The following CSMD1 variants were observed in gnomAD, a reference collection of about 807,000 sequenced individuals.
CSMD1 encodes the protein CUB and sushi domain-containing protein 1.
Under a neutral mutation model 417.5 loss-of-function variants are expected in CSMD1, and 213 were observed. The observed-to-expected ratio is 0.51, with a 90% CI of 0.46 to 0.57. The LOEUF (loss-of-function observed/expected upper bound fraction) is 0.57. Among genes scored for constraint, CSMD1 ranks in the 20% least tolerant of loss-of-function variants. The probability of loss-of-function intolerance (pLI) is 0.00; values close to 1 mark genes in which losing one functional copy is unlikely to be tolerated. For missense variants in CSMD1, 6,923 were observed against 4,529.7 expected, an observed-to-expected ratio of 1.53 and a Z score of -15.17; for synonymous variants, 2,862 against 1,736.8, an observed-to-expected ratio of 1.65 and a Z score of -16.11.
chr8:4,208,797 G>C (rs1368119886), intron 3 of CSMD1, among the ~76,000 whole-genome samples: 1 of 152,162 alleles, frequency 6.6e-6, no homozygotes, highest in Non-Finnish European at 1.5e-5. Flanking sequence ...AGAACATCTA[G>C]AAAACTGTCC....
At chr8:4,608,700 A>C (rs912770002) in intron 2 of CSMD1, among the ~76,000 whole-genome samples, 1 of 152,204 alleles carries the variant, frequency 6.6e-6, no homozygotes, top group Non-Finnish European at 1.5e-5. Flanking sequence ...TATGAAAATT[A>C]TCCTTCAGGC....
chr8:4,028,412 T>G (rs1012570381), intron 4 of CSMD1, among the ~76,000 whole-genome samples: 2 of 151,716 alleles, frequency 1.3e-5, no homozygotes, highest in African/African-American at 2.4e-5. Context: ...GCTTGTGGGG[T>G]GGTGGTAGTA....
At chr8:4,697,094 C>G (rs762277497) in intron 1 of CSMD1, among the ~76,000 whole-genome samples, 2 of 152,102 alleles carry the variant, frequency 1.3e-5, no homozygotes, top group Non-Finnish European at 2.9e-5. Flanking sequence ...ATTGCTTGAA[C>G]CCAGGAGGGG....
chr8:4,664,400 A>G (rs1032915036), intron 1 of CSMD1, among the ~76,000 whole-genome samples: 6 of 152,042 alleles, frequency 3.9e-5, no homozygotes, highest in African/African-American at 1.4e-4. Context: ...TGTCTACAGT[A>G]GAAACGAAAA....
rs574255743 is a variant in CSMD1 at position 4,321,111 on chromosome 8, G to C, written c.415+98842C>G. 8.5e-3 allele frequency among the ~76,000 whole-genome samples: 1,287 copies of C among 152,214 alleles called. 11 individuals carry two copies. Among genetic ancestry groups the C allele is most frequent in the South Asian group, 0.018 (85 of 4,822 alleles). On this transcript the variant is annotated intron_variant, in intron 3 of 69. Transcript: ENST00000635120. ...ATATTGAGTTTTTGTCTAGACTCTA[G>C]TCTAAATCAATCAAAGGCAGGAAGA...
intron 49 of CSMD1, among the ~76,000 whole-genome samples, chr8:3,056,873 A>C (rs1015990911): frequency 2.6e-5 from 4 of 152,052 alleles, no homozygotes; most frequent in African/African-American, 7.2e-5. Context: ...GTACACATAT[A>C]AATGCTAATC....
chr8:4,651,565 G>C (rs577492299), intron 1 of CSMD1, among the ~76,000 whole-genome samples: 2 of 152,272 alleles, frequency 1.3e-5, no homozygotes, highest in East Asian at 3.9e-4. Context: ...TTTTACTTAA[G>C]AACAAAACTA....
chr8:3,866,656 A>G (rs188516708), intron 5 of CSMD1, among the ~76,000 whole-genome samples: 1 of 129,270 alleles, frequency 7.7e-6, no homozygotes, highest in East Asian at 2.3e-4. Context: ...TCAGGAAATA[A>G]TAAGCTTATA....
intron 57 of CSMD1, among the ~76,000 whole-genome samples, chr8:2,967,536 T>A (rs1246971281): frequency 6.6e-6 from 1 of 152,140 alleles, no homozygotes; most frequent in Non-Finnish European, 1.5e-5. Context: ...CTACACTTTT[T>A]TTTTTCCCTT....
At chr8:4,272,482 C>G (rs1351882331) in intron 3 of CSMD1, among the ~76,000 whole-genome samples, 1 of 152,118 alleles carries the variant, frequency 6.6e-6, no homozygotes, top group African/African-American at 2.4e-5. Flanking sequence ...GCACAGATAA[C>G]TATACACGAT....
intron 1 of CSMD1, among the ~76,000 whole-genome samples, chr8:4,696,649 G>C (rs1263059017): frequency 1.3e-5 from 2 of 152,056 alleles, no homozygotes; most frequent in Non-Finnish European, 2.9e-5. Flanking sequence ...TCATTTATCT[G>C]GTTTCTCTTT....
At chr8:4,155,823 C>A (rs3843923) in intron 3 of CSMD1, among the ~76,000 whole-genome samples, 45,220 of 151,990 alleles carry the variant, frequency 0.3, 7,363 homozygotes, top group African/African-American at 0.43. Flanking sequence ...GCTGCAAAGT[C>A]AATTAAATCC....
rs552287215 is a variant in CSMD1, at chr8:4,142,714, G to C, written c.416-110615C>G. On this transcript the variant is annotated intron_variant, in intron 3 of 69. Coordinates refer to ENST00000635120, the MANE Select transcript of CSMD1 (RefSeq NM_033225.6). ...GTGGCTGAGGTTTAGGGCATTCCTA[G>C]AGGCCAGACCTGACACAACGTGAGA... 1.3e-4 allele frequency among the ~76,000 whole-genome samples: 19 copies of C among 151,220 alleles called. No individual in the cohort carries two copies. In the East Asian group the frequency reaches 1.9e-3, roughly 15 times the overall value.
intron 3 of CSMD1, among the ~76,000 whole-genome samples, chr8:4,102,847 G>T (rs559355552): frequency 6.6e-6 from 1 of 152,250 alleles, no homozygotes; most frequent in East Asian, 1.9e-4. Context: ...TATCAGGAAG[G>T]AATCTATCCT....
intron 10 of CSMD1, among the ~76,000 whole-genome samples, chr8:3,537,726 G>A (rs183370448): frequency 1.3e-5 from 2 of 152,236 alleles, no homozygotes; most frequent in Admixed American, 1.3e-4. Context: ...ACATTATCAA[G>A]AATCAAAAGT....
In CSMD1 at chr8:4,328,424, T is replaced by A. The variant is rs148926156; in HGVS notation, c.415+91529A>T. On this transcript the variant is annotated intron_variant, in intron 3 of 69. Coordinates refer to ENST00000635120, the MANE Select transcript of CSMD1 (RefSeq NM_033225.6). ...TTTCTACTTTTGAGTAGTTTTAATT[T>A]CTTAATTTATACAAATTTCGGTTGT... Among the ~76,000 whole-genome samples, 11 of 152,140 alleles carry A rather than the reference T, an allele frequency of 7.2e-5. No individual in the cohort carries two copies. In the East Asian group the frequency reaches 1.9e-3, roughly 27 times the overall value.
intron 44 of CSMD1, 60 bp from the exon 45 acceptor site, chr8:3,107,858 CTATTACAAAACATTCAT>C: frequency 9.3e-7 from 1 of 1,071,366 alleles, no homozygotes; most frequent in Non-Finnish European, 1.4e-6. Flanking sequence ...ATAAACACAA[CTATTACAAAACATTCAT>C]CTTGCAGTTG....
intron 3 of CSMD1, among the ~76,000 whole-genome samples, chr8:4,296,279 C>T (rs771627774): frequency 1.3e-5 from 2 of 151,992 alleles, no homozygotes; most frequent in Non-Finnish European, 2.9e-5. Context: ...TTCAGAAGTG[C>T]CCAAGGCAGG....
chr8:3,645,826 T>C (rs1453471560), intron 7 of CSMD1, among the ~76,000 whole-genome samples: 1 of 152,214 alleles, frequency 6.6e-6, no homozygotes, highest in Admixed American at 6.5e-5. Flanking sequence ...GACACTGGGC[T>C]ACAAGAAGAA....
Sources: allele counts gnomAD v4.1 joint callset (sites outside exome capture counted in the v4.1 genomes callset), GRCh38; gene constraint gnomAD v4.1.1; transcripts MANE v1.5; gene names NCBI Gene and HGNC (gene_info 2026-07-23, HGNC 2026-07-21).